DUSP22: variants seen among roughly 807,000 people sequenced by gnomAD.
DUSP22 encodes dual specificity phosphatase 22, also known as dual specificity protein phosphatase 22.
A neutral mutation model predicts 24.5 loss-of-function variants in DUSP22; 24 were observed. That is an observed-to-expected ratio of 0.98 (90% CI 0.71 to 1.38). The LOEUF is 1.38. Among genes scored for constraint, DUSP22 ranks in the 40% most tolerant of loss-of-function variants. DUSP22 has a pLI of 0.00. For synonymous variants in DUSP22, 160 were observed against 106.4 expected (o/e 1.50, Z -3.10); for missense variants, 330 against 269.2 (o/e 1.23, Z -1.58).
intron 1 of DUSP22, among the ~76,000 whole-genome samples, chr6:304,342 G>C (rs867616547): frequency 1.1e-4 from 17 of 152,304 alleles, no homozygotes; most frequent in African/African-American, 4.1e-4. Context: ...GTGGGCAGGC[G>C]GGGCAGGGGA....
rs1255874840 is a variant in DUSP22 at position 338,051 on chromosome 6, A to G, written c.188+2888A>G. On this transcript the variant is annotated intron_variant, in intron 4 of 6. Transcript: ENST00000419235. The stretch of plus-strand genomic sequence containing the variant: ...CAGTAAGACTTCTGTTTCAGCTGAA[A>G]AAGGAAGTCAGGACCGTAGCTCATG... 2.6e-5 allele frequency: 4 copies of G among 152,500 alleles called. No individual in the cohort carries two copies. In the South Asian group the frequency reaches 6.2e-4, roughly 24 times the overall value. The allele number at this position is 152,500 out of a possible 1,614,324, so 9.4% of individuals were successfully genotyped here. A position where few individuals can be genotyped will look rare whatever the true frequency, so the allele number is the denominator to read the frequency against.
intron 2 of DUSP22, among the ~76,000 whole-genome samples, chr6:311,456 G>A (rs61683461): frequency 0.034 from 5,075 of 150,170 alleles, no homozygotes; most frequent in African/African-American, 0.11. Context: ...CGAGGCGGGC[G>A]GCTCACGAGG....
At position 349,231 on chromosome 6, in the gene DUSP22, G is replaced by A. The variant is rs1760053935; in HGVS notation, c.*280G>A. ...TGCGTGTGTGTGAGTGCACTTGTGT[G>A]TGGGTGACTAAGTGGATGCATGTGT... On this transcript the variant is annotated 3_prime_UTR_variant, in exon 7 of 7. Transcript: ENST00000419235. 6 of 1,375,062 alleles carry A rather than the reference G, an allele frequency of 4.4e-6. No individual in the cohort carries two copies. Among genetic ancestry groups the A allele is most frequent in the Non-Finnish European group, 3.8e-6 (4 of 1,063,208 alleles). 85.2% of individuals were successfully genotyped at this position (1,375,062 alleles called of 1,614,324 possible).
rs548634346 is a variant in DUSP22, at chr6:310,200, A to G, written c.56-1680A>G. ...GGTCTCACACTCCTGACCTCAGGTG[A>G]TTGGCCCGTCGCGGCCTCCCAAAGT... is the stretch of plus-strand genomic sequence containing the variant. On this transcript the variant is annotated intron_variant, in intron 2 of 6. Coordinates refer to ENST00000419235, the MANE Select transcript of DUSP22 (RefSeq NM_001286555.3). Among the ~76,000 whole-genome samples the G allele has an allele frequency of 4.6e-5, 7 of 152,414 alleles. No individual in the cohort carries two copies. The East Asian group carries it at 1.3e-3, about 29-fold the overall frequency.
At chr6:304,432 C>T (rs186285400) in intron 1 of DUSP22, among the ~76,000 whole-genome samples, 196 bp from the exon 2 acceptor site, 54 of 152,406 alleles carry the variant, frequency 3.5e-4, no homozygotes, top group Middle Eastern at 3.4e-3. Context: ...CTAAACCCAG[C>T]GAGTCGATGG....
chr6:326,039 G>T (rs1758855783), intron 3 of DUSP22: 2 of 247,552 alleles, frequency 8.1e-6, no homozygotes, highest in East Asian at 3.5e-4. Context: ...TCTGGTGTGT[G>T]CAGTGCTGTA....
intron 1 of DUSP22, among the ~76,000 whole-genome samples, chr6:302,404 CAGTAG>C (rs1465157075): frequency 1.3e-5 from 2 of 152,306 alleles, no homozygotes; most frequent in Non-Finnish European, 2.9e-5. Flanking sequence ...CCACTCCCTC[CAGTAG>C]AGACAAGACC....
At chr6:332,706 A>G (rs1759193095) in intron 3 of DUSP22, among the ~76,000 whole-genome samples, 1 of 151,492 alleles carries the variant, frequency 6.6e-6, no homozygotes, top group Non-Finnish European at 1.5e-5. Context: ...TTCTGCTGGA[A>G]TAAAGTGGCT....
At chr6:304,486 C>T in intron 1 of DUSP22, 142 bp from the exon 2 acceptor site, 1 of 1,259,694 alleles carries the variant, frequency 7.9e-7, no homozygotes, top group Non-Finnish European at 1.2e-6. Flanking sequence ...GATGTTGGGT[C>T]ACCCGCGTGT....
intron 3 of DUSP22, among the ~76,000 whole-genome samples, chr6:317,837 C>T (rs556026044): frequency 7.2e-5 from 11 of 152,402 alleles, no homozygotes; most frequent in South Asian, 6.2e-4. Context: ...CATTTAGCCC[C>T]GTTCCAAAGT....
intron 3 of DUSP22, among the ~76,000 whole-genome samples, chr6:331,273 ATT>A (rs2127410872): frequency 6.6e-6 from 1 of 152,420 alleles, no homozygotes; most frequent in East Asian, 1.9e-4. Context: ...TGAGACTTTT[ATT>A]GCTACAGGAA....
intron 3 of DUSP22, among the ~76,000 whole-genome samples, chr6:332,024 T>C (rs1759162751): frequency 6.6e-6 from 1 of 152,308 alleles, no homozygotes; most frequent in Non-Finnish European, 1.5e-5. Context: ...CTGGCACAAA[T>C]GATGGTGCTT....
At chr6:304,541 G>A (rs1471359675) in intron 1 of DUSP22, 87 bp from the exon 2 acceptor site, 4 of 1,594,148 alleles carry the variant, frequency 2.5e-6, no homozygotes, top group South Asian at 1.1e-5. Context: ...GCCTTTGCAG[G>A]GATCCTGCTG....
intron 3 of DUSP22, among the ~76,000 whole-genome samples, chr6:314,151 G>A (rs549389526): frequency 2.0e-5 from 3 of 152,426 alleles, no homozygotes; most frequent in East Asian, 1.9e-4. Context: ...GAGACTGTGC[G>A]AGGTCAAGCA....
At chr6:347,228 A>G (rs1460417083) in intron 5 of DUSP22, among the ~76,000 whole-genome samples, 1 of 152,306 alleles carries the variant, frequency 6.6e-6, no homozygotes, top group Non-Finnish European at 1.5e-5. Context: ...GGTAGTTCTA[A>G]TCTAAAGCCC....
chr6:347,367 A>G (rs2127422589), intron 5 of DUSP22, among the ~76,000 whole-genome samples: 1 of 152,428 alleles, frequency 6.6e-6, no homozygotes, highest in East Asian at 1.9e-4. Context: ...CTTTTCTAAA[A>G]GTGAGACATT....
intron 5 of DUSP22, among the ~76,000 whole-genome samples, 177 bp downstream of exon 5, chr6:346,105 G>A (rs1229280513): frequency 1.3e-5 from 2 of 152,302 alleles, no homozygotes; most frequent in East Asian, 3.8e-4. Context: ...CTTTCCTTCT[G>A]TTGAAGGAGA....
At chr6:343,821 C>A (rs925471238) in intron 4 of DUSP22, among the ~76,000 whole-genome samples, 1 of 152,300 alleles carries the variant, frequency 6.6e-6, no homozygotes, top group South Asian at 2.1e-4. Flanking sequence ...TTTGTTAGGC[C>A]GTGCCTGAAT....
At chr6:330,564 G>A (rs949192934) in intron 3 of DUSP22, among the ~76,000 whole-genome samples, 28 of 152,406 alleles carry the variant, frequency 1.8e-4, no homozygotes, top group Non-Finnish European at 2.5e-4. Flanking sequence ...ACCTGCCTCC[G>A]TATCGTTTTA....
Sources: allele counts gnomAD v4.1 joint callset (sites outside exome capture counted in the v4.1 genomes callset), GRCh38; gene constraint gnomAD v4.1.1; transcripts MANE v1.5; gene names NCBI Gene and HGNC (gene_info 2026-07-23, HGNC 2026-07-21).